Variants in SNAP25 observed in about 807,000 individuals in gnomAD.
SNAP25 encodes the protein synaptosomal-associated protein 25.
Under a neutral mutation model 28.7 loss-of-function variants are expected in SNAP25, and 3 were observed. That is an observed-to-expected ratio of 0.10 (90% CI 0.05 to 0.27). The LOEUF (loss-of-function observed/expected upper bound fraction) is 0.27. Ranked by LOEUF, SNAP25 falls within the 10% of genes least tolerant of loss-of-function variation. The probability of loss-of-function intolerance (pLI) is 1.00; values close to 1 mark genes in which losing one functional copy is unlikely to be tolerated. For synonymous variants in SNAP25, 61 were observed against 88.1 expected (o/e 0.69, Z 1.72); for missense variants, 117 against 278.7 (o/e 0.42, Z 4.13).
intron 4 of SNAP25, among the ~76,000 whole-genome samples, chr20:10,286,677 A>G (rs2063886249): frequency 6.6e-6 from 1 of 152,214 alleles, no homozygotes; most frequent in Admixed American, 6.5e-5. Flanking sequence ...TCGGTTTTAC[A>G]TTATTTATTT....
chr20:10,296,741 G>A (rs2064119772), intron 5 of SNAP25, 184 bp from the exon 6 acceptor site: 1 of 693,536 alleles, frequency 1.4e-6, no homozygotes, highest in Non-Finnish European at 2.3e-6. Context: ...GAAGTGAAAT[G>A]TTGAGTAGCT....
At chr20:10,252,859 G>C (rs1335507922) in intron 1 of SNAP25, among the ~76,000 whole-genome samples, 1 of 148,744 alleles carries the variant, frequency 6.7e-6, no homozygotes, top group Non-Finnish European at 1.5e-5. Context: ...TGGCCACTTA[G>C]TAAGTGTGTA....
At position 10,218,876 on chromosome 20, in the gene SNAP25, G is replaced by C. The variant is rs2062566969; in HGVS notation, c.-165G>C. 2 of 152,376 alleles carry C rather than the reference G, an allele frequency of 1.3e-5. No homozygotes were observed. Among genetic ancestry groups the C allele is most frequent in the African/African-American group, 4.8e-5 (2 of 41,544 alleles). 9.4% of individuals were successfully genotyped at this position (152,376 alleles called of 1,614,324 possible). ...CACGTTGCATTGAAGACGAAACCTC[G>C]GGGAGGTCAGGCGCTGTCTTTCCTT... On this transcript the variant is annotated 5_prime_UTR_variant, in exon 1 of 8. Transcript: ENST00000254976.
intron 1 of SNAP25, among the ~76,000 whole-genome samples, chr20:10,254,677 G>A (rs1034429641): frequency 1.3e-5 from 2 of 152,214 alleles, no homozygotes; most frequent in Non-Finnish European, 2.9e-5. Context: ...CACTTTGGGA[G>A]CAGGAGGAGA....
intron 1 of SNAP25, among the ~76,000 whole-genome samples, chr20:10,264,178 T>C (rs1332117606): frequency 2.6e-5 from 4 of 151,856 alleles, no homozygotes; most frequent in Non-Finnish European, 1.5e-5. Flanking sequence ...CACCCTAAAA[T>C]ACAAAACCCA....
chr20:10,250,124 A>G (rs936319494), intron 1 of SNAP25, among the ~76,000 whole-genome samples: 1 of 152,188 alleles, frequency 6.6e-6, no homozygotes, highest in Non-Finnish European at 1.5e-5. Flanking sequence ...CAACTGTCAG[A>G]CCTTTTCAAG....
chr20:10,265,386 A>C (rs957546765), intron 1 of SNAP25, among the ~76,000 whole-genome samples: 1 of 152,162 alleles, frequency 6.6e-6, no homozygotes, highest in Non-Finnish European at 1.5e-5. Flanking sequence ...ATAAGCTTTA[A>C]TTATTTGCAG....
At chr20:10,279,927 A>G (rs1489187620) in intron 3 of SNAP25, among the ~76,000 whole-genome samples, 1 of 152,234 alleles carries the variant, frequency 6.6e-6, no homozygotes, top group East Asian at 1.9e-4. Context: ...TGTCTAGGAC[A>G]TTTGCTGTTT....
At chr20:10,295,613 T>C (rs1282439933) in intron 5 of SNAP25, among the ~76,000 whole-genome samples, 3 of 152,102 alleles carry the variant, frequency 2.0e-5, no homozygotes, top group South Asian at 4.1e-4. Flanking sequence ...TCTGCAAGTA[T>C]TAGAGCCAGT....
At position 10,293,002 on chromosome 20, in the gene SNAP25, A is replaced by G. The variant is rs1463241404; in HGVS notation, c.164-159A>G. 6.3e-7 allele frequency: 1 copy of G among 1,580,768 alleles called. No individual in the cohort carries two copies. The highest frequency in any genetic ancestry group is 8.7e-7 in the Non-Finnish European group (1 of 1,153,500). Reference sequence around the variant, plus strand: ...CTTTTCATATGTCCTTGTAACAAGTAGGTACTGGGTACCAGCTCTAATCTG... The same window carrying G: ...CTTTTCATATGTCCTTGTAACAAGTGGGTACTGGGTACCAGCTCTAATCTG... On this transcript the variant is annotated intron_variant, in intron 4 of 7. Transcript: ENST00000254976. This position sits in a 1 kb window ranked among gnomAD's most constrained non-coding sequence, Gnocchi z 5.6.
At chr20:10,225,872 A>C (rs998890306) in intron 1 of SNAP25, among the ~76,000 whole-genome samples, 2 of 152,068 alleles carry the variant, frequency 1.3e-5, no homozygotes, top group African/African-American at 4.8e-5. Flanking sequence ...TCTGTCCTTT[A>C]CTGATAACAG....
At chr20:10,232,439 A>C (rs1352761622) in intron 1 of SNAP25, among the ~76,000 whole-genome samples, 1 of 152,194 alleles carries the variant, frequency 6.6e-6, no homozygotes, top group Non-Finnish European at 1.5e-5. Flanking sequence ...TTTCTCCAAA[A>C]GGTTGGGCTG....
intron 2 of SNAP25, 25 bp from the exon 3 acceptor site, chr20:10,277,660 T>C (rs2063713417): frequency 1.2e-6 from 2 of 1,608,742 alleles, no homozygotes; most frequent in Non-Finnish European, 1.7e-6. Flanking sequence ...ATAAAGTTTA[T>C]GTTTGTTTGT....
intron 1 of SNAP25, among the ~76,000 whole-genome samples, chr20:10,256,918 T>A (rs2063327790): frequency 6.6e-6 from 1 of 152,228 alleles, no homozygotes; most frequent in Non-Finnish European, 1.5e-5. Flanking sequence ...ATAATGTAAT[T>A]GACTATAAAA....
At chr20:10,280,596 G>T (rs781767886) in intron 3 of SNAP25, among the ~76,000 whole-genome samples, 6 of 152,276 alleles carry the variant, frequency 3.9e-5, no homozygotes, top group South Asian at 2.1e-4. Context: ...CCTCGAGGAG[G>T]TAGTATTTAA....
chr20:10,242,706 A>G (rs1324162008), intron 1 of SNAP25, among the ~76,000 whole-genome samples: 4 of 152,214 alleles, frequency 2.6e-5, no homozygotes, highest in Admixed American at 2.6e-4. Flanking sequence ...TTGCCTACAG[A>G]TGCTCTCCAA....
intron 1 of SNAP25, among the ~76,000 whole-genome samples, chr20:10,228,987 C>T (rs1375047977): frequency 6.6e-6 from 1 of 152,030 alleles, no homozygotes; most frequent in African/African-American, 2.4e-5. Context: ...TTTTAAATGC[C>T]TTTGATTAGC....
At chr20:10,275,806 G>T (rs2063682493) in intron 2 of SNAP25, among the ~76,000 whole-genome samples, 2 of 152,136 alleles carry the variant, frequency 1.3e-5, no homozygotes, top group Admixed American at 1.3e-4. Flanking sequence ...AGAAGTCAAG[G>T]TCCTCTAAGA....
chr20:10,271,911 T>A (rs2063600108), intron 1 of SNAP25, among the ~76,000 whole-genome samples: 1 of 152,064 alleles, frequency 6.6e-6, no homozygotes, highest in African/African-American at 2.4e-5. Flanking sequence ...AGATACACAT[T>A]TCCCCCCCAG....
Sources: allele counts gnomAD v4.1 joint callset (sites outside exome capture counted in the v4.1 genomes callset), GRCh38; gene constraint gnomAD v4.1.1; non-coding constraint Gnocchi (gnomAD v3.1); transcripts MANE v1.5; gene names NCBI Gene and HGNC (gene_info 2026-07-23, HGNC 2026-07-21).